Variants in CBFA2T3 observed in about 807,000 individuals in gnomAD.
The protein encoded by CBFA2T3 is transcriptional corepressor CBFA2T3.
CBFA2T3 carries 31 observed loss-of-function variants against 58.6 expected under a neutral mutation model. That is an observed-to-expected ratio of 0.53 (90% confidence interval 0.40 to 0.71). CBFA2T3 has a LOEUF of 0.71. CBFA2T3 is among the 30% of genes least tolerant of loss of function. The pLI is 0.00. For synonymous variants in CBFA2T3, 531 were observed against 421.9 expected, an observed-to-expected ratio of 1.26 and a Z score of -3.17; for missense variants, 1,076 against 963.1, an observed-to-expected ratio of 1.12 and a Z score of -1.55.
Position 88,885,329 on chromosome 16 carries a change from T to C in CBFA2T3, c.894-60A>G. On this transcript the variant is annotated intron_variant, in intron 6 of 11. Transcript: ENST00000268679. This position sits in a 1 kb window ranked among gnomAD's most constrained non-coding sequence, Gnocchi z 5.3. ...ACATAGGATGAACCGGGGACAGAGG[T>C]GCAGGTGGGGTGAGAGGCAGACAGG... 2 of 1,244,452 alleles carry C rather than the reference T, an allele frequency of 1.6e-6. No individual in the cohort carries two copies. The highest frequency in any genetic ancestry group is 2.2e-6 in the Non-Finnish European group (2 of 919,766). 77.1% of individuals were successfully genotyped at this position (1,244,452 alleles called of 1,614,324 possible). A position where few individuals can be genotyped will look rare whatever the true frequency, so the allele number is the denominator to read the frequency against.
rs376412751 is a variant in CBFA2T3, at chr16:88,881,333, G to A, written c.1360C>T (p.Arg454Trp). Residue 454 changes from arginine (R) to tryptophan (W), a missense_variant, in exon 9 of 12, where the codon CGG becomes TGG. Physicochemically the swap from Arg to Trp is moderately radical, Grantham distance 101. Transcript: ENST00000268679. ...TKKGPAPAAARPRSSSAGPEG... is the reference protein window; with the variant it reads ...TKKGPAPAAAWPRSSSAGPEG... The stretch of plus-strand genomic sequence containing the variant: ...GGACCGGCGGAGCTGCTGCGGGGCC[G>A]GGCCGCGGCGGGAGCGGGGCCCTTC... 2.2e-5 allele frequency: 35 copies of A among 1,581,128 alleles called. No homozygotes were observed. The East Asian group carries it at 2.3e-4, about 10-fold the overall frequency.
chr16:88,923,924 T>G (rs1411509713), intron 1 of CBFA2T3, among the ~76,000 whole-genome samples: 1 of 152,100 alleles, frequency 6.6e-6, no homozygotes, highest in Non-Finnish European at 1.5e-5. Flanking sequence ...CTTTGGAGCA[T>G]AGATCACCAC....
intron 1 of CBFA2T3, among the ~76,000 whole-genome samples, chr16:88,915,733 G>A (rs1229513998): frequency 1.6e-5 from 2 of 128,078 alleles, no homozygotes; most frequent in Non-Finnish European, 3.3e-5. Context: ...GAGCGTGGAA[G>A]GGGGAGCGTG....
chr16:88,881,281 C>T lies in CBFA2T3; in HGVS notation c.1402+10G>A, dbSNP rs370102475. The T allele has an allele frequency of 1.1e-5, 18 of 1,594,640 alleles. No individual in the cohort carries two copies. Among genetic ancestry groups the T allele is most frequent in the Non-Finnish European group, 1.4e-5 (16 of 1,172,260 alleles). On this transcript the variant is annotated intron_variant, in intron 9 of 11. Coordinates refer to ENST00000268679, the MANE Select transcript of CBFA2T3 (RefSeq NM_005187.6). ...CGTGTCTGCTCCCTCCCCCCACACC[C>T]CACACGCACCTAGCTGAGGCCCTTC...
intron 1 of CBFA2T3, among the ~76,000 whole-genome samples, chr16:88,907,538 C>T (rs1053140861): frequency 1.3e-5 from 2 of 149,330 alleles, no homozygotes; most frequent in African/African-American, 5.1e-5. Context: ...GCCCTGAGAT[C>T]CTGCGCTTCT....
chr16:88,956,441 G>T (rs1489734304), intron 1 of CBFA2T3, among the ~76,000 whole-genome samples: 2 of 152,364 alleles, frequency 1.3e-5, no homozygotes, highest in Middle Eastern at 3.4e-3. Context: ...GCTCCCCCAG[G>T]CTCAGAGCCC....
intron 5 of CBFA2T3, among the ~76,000 whole-genome samples, chr16:88,891,182 AC>A (rs1969615648): frequency 6.6e-6 from 1 of 150,840 alleles, no homozygotes; most frequent in Non-Finnish European, 1.5e-5. Context: ...TCCCGCCCTC[AC>A]CTCTGCTCTC....
chr16:88,889,978 G>T (rs565763077), intron 5 of CBFA2T3, among the ~76,000 whole-genome samples: 9 of 143,560 alleles, frequency 6.3e-5, no homozygotes, highest in Non-Finnish European at 1.4e-4. Context: ...ACGACGCCCC[G>T]TGATTCCTCC....
rs571078710 is a variant in CBFA2T3, at chr16:88,961,226, G to A, written c.151+15431C>T. 2.0e-5 allele frequency among the ~76,000 whole-genome samples: 3 copies of A among 152,272 alleles called. No individual in the cohort carries two copies. In the South Asian group the frequency reaches 6.2e-4, roughly 32 times the overall value. ...ATGCCGCCAGAGCCCGTGAGAGGTG[G>A]TTCCCAGACAGGGGGCGCACGGGGA... On this transcript the variant is annotated intron_variant, in intron 1 of 11. Transcript: ENST00000268679.
At chr16:88,946,041 C>T (rs1174605556) in intron 1 of CBFA2T3, among the ~76,000 whole-genome samples, 2 of 152,306 alleles carry the variant, frequency 1.3e-5, no homozygotes, top group Non-Finnish European at 2.9e-5. Flanking sequence ...GGCGTGGTGG[C>T]TCACACCTGT....
rs1056850403 is a variant in CBFA2T3 at position 88,898,260 on chromosome 16, G to C, written c.305-108C>G. ...TTCCTACTTCTCAGAGTGATTTTTG[G>C]TGGGGGCGTGGGCAGGAGACTGCCC... On this transcript the variant is annotated intron_variant, in intron 2 of 11. Transcript: ENST00000268679. 113 of 828,148 alleles carry C rather than the reference G, an allele frequency of 1.4e-4. No individual in the cohort carries two copies. In the African/African-American group the frequency reaches 1.7e-3, roughly 13 times the overall value. 51.3% of individuals were successfully genotyped at this position (828,148 alleles called of 1,614,324 possible).
At position 88,951,062 on chromosome 16, in the gene CBFA2T3, GATCT is replaced by G. The variant is rs767043731; in HGVS notation, c.151+25591_151+25594del. The G allele has an allele frequency of 1.8e-5, 7 of 386,396 alleles. 1 individual carries two copies. The highest frequency in any genetic ancestry group is 2.6e-5 in the Admixed American group (1 of 37,904). The allele number at this position is 386,396 out of a possible 1,614,324, so 23.9% of individuals were successfully genotyped here. ...TCAGAGTGTTGGCACCTGTCTTCCGGATCTGTTCACCCCTCCCCTGGACCGGCAC... is the reference window on the plus strand; with the variant it reads ...TCAGAGTGTTGGCACCTGTCTTCCGGGTTCACCCCTCCCCTGGACCGGCAC... On this transcript the variant is annotated intron_variant, in intron 1 of 11. Transcript: ENST00000268679.
intron 5 of CBFA2T3, among the ~76,000 whole-genome samples, chr16:88,889,982 T>C (rs1194800204): frequency 6.9e-6 from 1 of 144,244 alleles, no homozygotes; most frequent in East Asian, 2.1e-4. Context: ...CGCCCCGTGA[T>C]TCCTCCTCCT....
intron 1 of CBFA2T3, among the ~76,000 whole-genome samples, chr16:88,966,154 T>C (rs1389207802): frequency 6.6e-6 from 1 of 152,194 alleles, no homozygotes; most frequent in Non-Finnish European, 1.5e-5. Context: ...GTCGCTCTGC[T>C]CTGAGGGTCA....
intron 1 of CBFA2T3, among the ~76,000 whole-genome samples, chr16:88,968,560 T>C (rs180697371): frequency 1.3e-3 from 195 of 152,328 alleles, no homozygotes; most frequent in African/African-American, 4.5e-3. Flanking sequence ...CACCTGCTGG[T>C]GACCTTTTAG....
At chr16:88,890,123 C>T (rs1167142295) in intron 5 of CBFA2T3, among the ~76,000 whole-genome samples, 1 of 152,050 alleles carries the variant, frequency 6.6e-6, no homozygotes, top group African/African-American at 2.4e-5. Context: ...GGACGATGCC[C>T]CGCGTGAATC....
intron 1 of CBFA2T3, among the ~76,000 whole-genome samples, chr16:88,924,044 GGC>G (rs1341580682): frequency 2.0e-5 from 3 of 152,228 alleles, no homozygotes; most frequent in Admixed American, 2.0e-4. Context: ...TGGAGGTGGG[GGC>G]GTGGTCAGGC....
Position 88,885,130 on chromosome 16 carries a change from C to T in CBFA2T3, c.1033G>A (p.Glu345Lys). 6.2e-7 allele frequency: 1 copy of T among 1,601,672 alleles called. No homozygotes were observed. Among genetic ancestry groups the T allele is most frequent in the Non-Finnish European group, 8.5e-7 (1 of 1,175,852 alleles). The change falls in exon 7 of 12, where the codon GAG becomes AAG. Residue 345 changes from glutamate to lysine, a missense_variant. Transcript: ENST00000268679. The surrounding 1 kb of genome is among the most constrained non-coding windows in gnomAD (Gnocchi z 5.3). Reference protein sequence around the residue: ...QPTPPPHYRLEDIAMAHHFRD... With the variant: ...QPTPPPHYRLKDIAMAHHFRD... ...AAGTGGTGGGCCATGGCTATGTCCT[C>T]CAGGCGGTAGTGCGGCGGCGGTGTG... is the stretch of plus-strand genomic sequence containing the variant.
chr16:88,888,907 C>G (rs888997005), intron 5 of CBFA2T3, among the ~76,000 whole-genome samples: 1 of 151,766 alleles, frequency 6.6e-6, no homozygotes, highest in Non-Finnish European at 1.5e-5. Flanking sequence ...ACGGCCCTCA[C>G]GAGAGCCGGG....
Sources: allele counts gnomAD v4.1 joint callset (sites outside exome capture counted in the v4.1 genomes callset), GRCh38; gene constraint gnomAD v4.1.1; non-coding constraint Gnocchi (gnomAD v3.1); transcripts MANE v1.5; gene names NCBI Gene and HGNC (gene_info 2026-07-23, HGNC 2026-07-21).